SERGEF: variants seen among roughly 807,000 people sequenced by gnomAD.
SERGEF encodes secretion regulating guanine nucleotide exchange factor, also known as secretion-regulating guanine nucleotide exchange factor.
In SERGEF, 51 loss-of-function variants were observed where a neutral mutation model predicts 50.0. The ratio of observed to expected loss-of-function variants is 1.02; its 90% CI spans 0.81 to 1.29. SERGEF has a LOEUF of 1.29. Among genes scored for constraint, SERGEF ranks in the 50% most tolerant of loss-of-function variants. The pLI is 0.00. For missense variants in SERGEF, 521 were observed against 557.0 expected (o/e 0.94, Z 0.65); for synonymous variants, 205 against 212.4 (o/e 0.97, Z 0.30).
intron 10 of SERGEF, among the ~76,000 whole-genome samples, chr11:17,875,321 T>C (rs1258710530): frequency 6.6e-6 from 1 of 152,258 alleles, no homozygotes; most frequent in Non-Finnish European, 1.5e-5. Context: ...TTACCTGGCA[T>C]GCTCAGGAGA....
At chr11:17,890,325 A>G (rs1035830609) in intron 9 of SERGEF, among the ~76,000 whole-genome samples, 1 of 152,204 alleles carries the variant, frequency 6.6e-6, no homozygotes, top group Non-Finnish European at 1.5e-5. Context: ...ATGAATTACA[A>G]CTGAAAGAGT....
chr11:18,007,460 C>T (rs1854098517), intron 2 of SERGEF, among the ~76,000 whole-genome samples: 1 of 152,120 alleles, frequency 6.6e-6, no homozygotes, highest in South Asian at 2.1e-4. Context: ...GATTTGATTC[C>T]AGAGCTCATG....
intron 9 of SERGEF, among the ~76,000 whole-genome samples, chr11:17,959,134 G>C (rs1852938328): frequency 6.6e-6 from 1 of 152,280 alleles, no homozygotes; most frequent in African/African-American, 2.4e-5. Context: ...CTCCCAAAGT[G>C]CTGGGATTAC....
chr11:17,999,289 T>C (rs1020292546), intron 5 of SERGEF, among the ~76,000 whole-genome samples: 2 of 152,244 alleles, frequency 1.3e-5, no homozygotes, highest in African/African-American at 4.8e-5. Context: ...TGTATCAATG[T>C]TAATATCCTC....
chr11:17,853,091 TTG>T (rs1364783524), intron 10 of SERGEF, among the ~76,000 whole-genome samples: 1 of 152,190 alleles, frequency 6.6e-6, no homozygotes, highest in Non-Finnish European at 1.5e-5. Flanking sequence ...TACTACATAA[TTG>T]TGTGACCCTA....
intron 9 of SERGEF, among the ~76,000 whole-genome samples, chr11:17,892,655 T>G (rs868060515): frequency 6.6e-6 from 1 of 152,250 alleles, no homozygotes; most frequent in Admixed American, 6.5e-5. Context: ...AAACATCCAC[T>G]AACATTTGTC....
intron 10 of SERGEF, among the ~76,000 whole-genome samples, chr11:17,821,785 G>A (rs2133844971): frequency 6.6e-6 from 1 of 152,272 alleles, no homozygotes. Context: ...ATGTGTATAT[G>A]TGTCCATCTC....
rs575643708 is a variant in SERGEF, at chr11:17,790,978, G to A, written c.1049-2565C>T. On this transcript the variant is annotated intron_variant, in intron 10 of 10. Transcript: ENST00000265965. Reference sequence around the variant, plus strand: ...TTGCCTTTTCCTTATTGATTTGCAAGTATTCTTTGTGTATTATTTTGTTTC... The same window carrying A: ...TTGCCTTTTCCTTATTGATTTGCAAATATTCTTTGTGTATTATTTTGTTTC... 4.5e-4 allele frequency among the ~76,000 whole-genome samples: 68 copies of A among 152,274 alleles called. No homozygotes were observed. In the South Asian group the frequency reaches 0.012, roughly 28 times the overall value.
At chr11:17,802,795 AG>A (rs1332378423) in intron 10 of SERGEF, among the ~76,000 whole-genome samples, 3 of 151,842 alleles carry the variant, frequency 2.0e-5, no homozygotes, top group Non-Finnish European at 4.4e-5. Flanking sequence ...ACTTTCTCAG[AG>A]GGCCTTCCCT....
intron 10 of SERGEF, among the ~76,000 whole-genome samples, chr11:17,838,041 ACCTTCAGGG>A (rs1850437080): frequency 6.6e-6 from 1 of 152,194 alleles, no homozygotes; most frequent in Non-Finnish European, 1.5e-5. Flanking sequence ...GAAGATAGTA[ACCTTCAGGG>A]CATGCACAAC....
chr11:17,910,880 G>A (rs1339069462), intron 9 of SERGEF, among the ~76,000 whole-genome samples: 1 of 152,190 alleles, frequency 6.6e-6, no homozygotes, highest in East Asian at 1.9e-4. Flanking sequence ...GATAGAGGAG[G>A]GTGGCCAGGA....
chr11:17,910,191 A>ACTCTCT (rs150069623), intron 9 of SERGEF, among the ~76,000 whole-genome samples: 309 of 132,734 alleles, frequency 2.3e-3, no homozygotes, highest in South Asian at 7.7e-3. Context: ...ACACACACAC[A>ACTCTCT]CACTCTCTCT....
intron 10 of SERGEF, among the ~76,000 whole-genome samples, chr11:17,868,938 T>C (rs1195297359): frequency 1.3e-5 from 2 of 152,054 alleles, no homozygotes; most frequent in Non-Finnish European, 1.5e-5. Flanking sequence ...CCACAACACA[T>C]GGGAATTCAA....
At chr11:17,812,564 G>T (rs1295927763) in intron 10 of SERGEF, among the ~76,000 whole-genome samples, 1 of 152,120 alleles carries the variant, frequency 6.6e-6, no homozygotes, top group Non-Finnish European at 1.5e-5. Flanking sequence ...GGGCCAAGCA[G>T]GAAGAGTAGG....
At chr11:17,822,887 A>T (rs1367166699) in intron 10 of SERGEF, among the ~76,000 whole-genome samples, 1 of 152,246 alleles carries the variant, frequency 6.6e-6, no homozygotes, top group African/African-American at 2.4e-5. Flanking sequence ...TAAAGATAGT[A>T]CTAAGTTCCC....
chr11:17,860,393 G>A (rs911693788), intron 10 of SERGEF, among the ~76,000 whole-genome samples: 11 of 151,928 alleles, frequency 7.2e-5, no homozygotes, highest in African/African-American at 2.7e-4. Flanking sequence ...ATGGAGGGAA[G>A]GGAAATGAAG....
chr11:17,970,080 T>C (rs1478539682), intron 8 of SERGEF, among the ~76,000 whole-genome samples: 1 of 152,234 alleles, frequency 6.6e-6, no homozygotes, highest in Non-Finnish European at 1.5e-5. Flanking sequence ...TAGAAAAGTA[T>C]AGGCATACTT....
At chr11:17,792,601 G>A (rs1416534841) in intron 10 of SERGEF, among the ~76,000 whole-genome samples, 5 of 152,228 alleles carry the variant, frequency 3.3e-5, no homozygotes, top group African/African-American at 1.2e-4. Flanking sequence ...GCCTGGTAAA[G>A]GCCCAGTAAT....
intron 7 of SERGEF, among the ~76,000 whole-genome samples, chr11:17,992,504 C>T (rs1243017573): frequency 6.6e-6 from 1 of 152,158 alleles, no homozygotes; most frequent in Non-Finnish European, 1.5e-5. Flanking sequence ...CCCTCATAAT[C>T]GTAGGTATAT....
Sources: allele counts gnomAD v4.1 joint callset (sites outside exome capture counted in the v4.1 genomes callset), GRCh38; gene constraint gnomAD v4.1.1; transcripts MANE v1.5; gene names NCBI Gene and HGNC (gene_info 2026-07-23, HGNC 2026-07-21).